ITPR3: variants seen among roughly 807,000 people sequenced by gnomAD.
ITPR3 encodes inositol 1,4,5-trisphosphate receptor type 3, also known as inositol 1,4,5-trisphosphate-gated calcium channel ITPR3.
Under a neutral mutation model 293.2 loss-of-function variants are expected in ITPR3, and 173 were observed. The ratio of observed to expected loss-of-function variants is 0.59; its 90% CI spans 0.52 to 0.67. ITPR3 has a LOEUF of 0.67. Among genes scored for constraint, ITPR3 ranks in the 30% least tolerant of loss-of-function variants. ITPR3 has a pLI of 0.00. For synonymous variants in ITPR3, 1,295 were observed against 1,444.4 expected, an observed-to-expected ratio of 0.90 and a Z score of 2.35; for missense variants, 2,796 against 3,592.1, an observed-to-expected ratio of 0.78 and a Z score of 5.66.
At position 33,673,695 on chromosome 6, in the gene ITPR3, C is replaced by T; in HGVS notation, c.3033C>T (p.Gly1011=). 1 of 1,614,154 alleles carries T rather than the reference C, an allele frequency of 6.2e-7. No individual in the cohort carries two copies. The highest frequency in any genetic ancestry group is 2.2e-5 in the East Asian group (1 of 44,894). The part of the protein sequence containing the change: ...VFPMQDSGAD[G]TAPAFDSTTA... The stretch of plus-strand genomic sequence containing the variant: ...CCATGCAGGACAGTGGGGCTGATGG[C>T]ACAGCCCCTGCCTTCGACTCTACCA... Residue 1011 remains glycine, a synonymous_variant, in exon 23 of 58, where the codon GGC becomes GGT. Transcript: ENST00000605930.
At chr6:33,651,542 C>T in intron 2 of ITPR3, among the ~76,000 whole-genome samples, 1 of 152,158 alleles carries the variant, frequency 6.6e-6, no homozygotes, top group East Asian at 1.9e-4. Context: ...GTTGACCCCT[C>T]ACCTTCTGTG....
chr6:33,691,215 C>A lies in ITPR3; in HGVS notation c.7225+106C>A. ...TGCAGCGCTTACCTCACCAGGCTCCCGTCTGCTTCTCCTCTTGGCTTCTGG... is the reference window on the plus strand; with the variant it reads ...TGCAGCGCTTACCTCACCAGGCTCCAGTCTGCTTCTCCTCTTGGCTTCTGG... On this transcript the variant is annotated intron_variant, in intron 52 of 57. Coordinates refer to ENST00000605930, the MANE Select transcript of ITPR3 (RefSeq NM_002224.4). The surrounding 1 kb of genome is among the most constrained non-coding windows in gnomAD (Gnocchi z 4.9). The A allele has an allele frequency of 1.8e-6, 2 of 1,091,200 alleles. No homozygotes were observed. Among genetic ancestry groups the A allele is most frequent in the South Asian group, 1.5e-5 (1 of 68,150 alleles). 67.6% of individuals were successfully genotyped at this position (1,091,200 alleles called of 1,614,324 possible).
rs1259677307 is a variant in ITPR3, at chr6:33,662,624, C to T, written c.808C>T (p.Arg270Cys). 4.3e-6 allele frequency: 7 copies of T among 1,611,442 alleles called. No individual in the cohort carries two copies. The highest frequency in any genetic ancestry group is 1.1e-5 in the South Asian group (1 of 91,080). The change falls in exon 8 of 58, where the codon CGC becomes TGC. Residue 270 changes from arginine to cysteine, a missense_variant. By Grantham distance (180) the Arg-to-Cys change is radical (BLOSUM62 -3). Transcript: ENST00000605930. ...GCAGGTGTTCCTGCGAACTACACTG[C>T]GCCAGTCTGCCACCTCGGCCACCAG... is the stretch of plus-strand genomic sequence containing the variant. ...KLQVFLRTTL[R>C]QSATSATSSN...
Position 33,683,376 on chromosome 6 carries a change from G to A in ITPR3, c.4767G>A (p.Lys1589=), listed in dbSNP as rs866508323. 5.1e-6 allele frequency: 8 copies of A among 1,582,534 alleles called. No homozygotes were observed. The African/African-American group carries it at 6.7e-5, about 13-fold the overall frequency. The part of the protein sequence containing the change: ...VTPTANQWDY[K]NIIEKLQDII... Reference sequence around the variant, plus strand: ...CCACCGCCAACCAGTGGGACTACAAGAACATCATTGAGAAGCTGCAGGTGG... The same window carrying A: ...CCACCGCCAACCAGTGGGACTACAAAAACATCATTGAGAAGCTGCAGGTGG... Residue 1589 remains lysine, a synonymous_variant, in exon 35 of 58, where the codon AAG becomes AAA. Coordinates refer to ENST00000605930, the MANE Select transcript of ITPR3 (RefSeq NM_002224.4). This position sits in a 1 kb window ranked among gnomAD's most constrained non-coding sequence, Gnocchi z 4.5.
intron 2 of ITPR3, among the ~76,000 whole-genome samples, chr6:33,643,479 T>C (rs1454949935): frequency 6.6e-6 from 1 of 152,266 alleles, no homozygotes; most frequent in Admixed American, 6.5e-5. Context: ...AAGCCCAGGC[T>C]GCTGATGCCC....
In ITPR3 at chr6:33,687,697, A is replaced by G. The variant is rs1765273292; in HGVS notation, c.6264+133A>G. ...AGGCTAGAATTTGGGGGTACAGCTC[A>G]GGGGGCTGATTGGGACTGGCAGCCG... On this transcript the variant is annotated intron_variant, in intron 46 of 57. Coordinates refer to ENST00000605930, the MANE Select transcript of ITPR3 (RefSeq NM_002224.4). The surrounding 1 kb of genome is among the most constrained non-coding windows in gnomAD (Gnocchi z 5.3). The G allele has an allele frequency of 1.4e-6, 1 of 740,484 alleles. No homozygotes were observed. Among genetic ancestry groups the G allele is most frequent in the Non-Finnish European group, 2.2e-6 (1 of 445,510 alleles). The allele number at this position is 740,484 out of a possible 1,614,324, so 45.9% of individuals were successfully genotyped here.
In ITPR3 at chr6:33,691,776, G is replaced by A; in HGVS notation, c.7331-25G>A. ...GGGGTAGGAGGAGCAGGCAGCCCGG[G>A]CCTCAGCACACTCTCCGCTTGCAGA... On this transcript the variant is annotated intron_variant, in intron 53 of 57. Transcript: ENST00000605930. This position sits in a 1 kb window ranked among gnomAD's most constrained non-coding sequence, Gnocchi z 4.9. 1 of 1,613,772 alleles carries A rather than the reference G, an allele frequency of 6.2e-7. No individual in the cohort carries two copies. The highest frequency in any genetic ancestry group is 1.3e-5 in the African/African-American group (1 of 74,954).
chr6:33,655,696 G>A lies in ITPR3; in HGVS notation c.161-70G>A. 5 of 1,599,124 alleles carry A rather than the reference G, an allele frequency of 3.1e-6. No homozygotes were observed. Among genetic ancestry groups the A allele is most frequent in the Non-Finnish European group, 4.3e-6 (5 of 1,169,828 alleles). The stretch of plus-strand genomic sequence containing the variant: ...TTGGGAGAGAAGAGCTGCAGGCTGG[G>A]GTTTTCTCCAGGGAGGGCCCTGAGC... On this transcript the variant is annotated intron_variant, in intron 2 of 57. Transcript: ENST00000605930. This position sits in a 1 kb window ranked among gnomAD's most constrained non-coding sequence, Gnocchi z 4.9.
Position 33,686,527 on chromosome 6 carries a change from C to T in ITPR3, c.5979+8C>T. The stretch of plus-strand genomic sequence containing the variant: ...CTGGTGCTGCAGCTCAAGGTGGGGC[C>T]CAGTGGCAGGTGTGTGAGTGCTGGG... On this transcript the variant is annotated splice_region_variant and intron_variant, in intron 43 of 57. Coordinates refer to ENST00000605930, the MANE Select transcript of ITPR3 (RefSeq NM_002224.4). The T allele has an allele frequency of 6.2e-7, 1 of 1,607,384 alleles. No homozygotes were observed. The highest frequency in any genetic ancestry group is 8.5e-7 in the Non-Finnish European group (1 of 1,173,936).
At chr6:33,637,612 G>A (rs1378888005) in intron 1 of ITPR3, among the ~76,000 whole-genome samples, 1 of 151,924 alleles carries the variant, frequency 6.6e-6, no homozygotes, top group Non-Finnish European at 1.5e-5. Context: ...GGGGTTAGAG[G>A]TGTGTGCCAC....
In ITPR3 at chr6:33,684,844, G is replaced by C. The variant is rs868579956; in HGVS notation, c.5208G>C (p.Leu1736Phe). The C allele has an allele frequency of 2.6e-5, 42 of 1,613,914 alleles. No individual in the cohort carries two copies. The highest frequency in any genetic ancestry group is 3.6e-5 in the Non-Finnish European group (42 of 1,179,990). ...TGGACAAGGAGGGGGCCACCAAGTT[G>C]GTATGCGACCTCATCACCAGCACCA... ...CRLDKEGATK[L>F]VCDLITSTKN... Residue 1736 changes from leucine (L) to phenylalanine (F), a missense_variant, in exon 39 of 58, where the codon TTG becomes TTC. By Grantham distance (22) the Leu-to-Phe change is conservative. Coordinates refer to ENST00000605930, the MANE Select transcript of ITPR3 (RefSeq NM_002224.4). This position sits in a 1 kb window ranked among gnomAD's most constrained non-coding sequence, Gnocchi z 4.2.
Position 33,691,677 on chromosome 6 carries a change from A to G in ITPR3, c.7288A>G (p.Met2430Val), listed in dbSNP as rs142286857. ...TGTGGACACCTGCAGTGGGGACAAG[A>G]TGGACTGTGTCTCAGGGCTCTCGGT... ...AFVDTCSGDK[M>V]DCVSGLSVPE... The change falls in exon 53 of 58, where the codon ATG (methionine) becomes GTG (valine). Residue 2430 changes from methionine to valine, a missense_variant. This residue lies in a region of ITPR3 where 568 missense variants were observed against 796.1 expected (regional missense o/e 0.71). Transcript: ENST00000605930. The surrounding 1 kb of genome is among the most constrained non-coding windows in gnomAD (Gnocchi z 4.9). 1.9e-6 allele frequency: 3 copies of G among 1,613,948 alleles called. No homozygotes were observed. The highest frequency in any genetic ancestry group is 2.5e-6 in the Non-Finnish European group (3 of 1,179,968).
In ITPR3 at chr6:33,655,025, C is replaced by G. The variant is rs569475616; in HGVS notation, c.161-741C>G. Among the ~76,000 whole-genome samples, 2 of 152,302 alleles carry G rather than the reference C, an allele frequency of 1.3e-5. No homozygotes were observed. Among genetic ancestry groups the G allele is most frequent in the East Asian group, 3.9e-4 (2 of 5,192 alleles). On this transcript the variant is annotated intron_variant, in intron 2 of 57. Coordinates refer to ENST00000605930, the MANE Select transcript of ITPR3 (RefSeq NM_002224.4). The surrounding 1 kb of genome is among the most constrained non-coding windows in gnomAD (Gnocchi z 4.9). ...AATGACACTTGTTTTATCTACTTGC[C>G]AAAATAAAAATTGTACTAGAGAACA...
chr6:33,668,430 G>A (rs1305953022), intron 16 of ITPR3, 85 bp from the exon 17 acceptor site: 3 of 1,573,900 alleles, frequency 1.9e-6, no homozygotes, highest in African/African-American at 2.7e-5. Flanking sequence ...GGTGCTGCCA[G>A]CTGGGGAAGG....
rs1295385806 is a variant in ITPR3 at position 33,672,294 on chromosome 6, G to A, written c.2928+66G>A. Reference sequence around the variant, plus strand: ...GGGAGGGTAATGGGGCGGGTACAGGGAGGCTGGGCAGGGCGAACCCCTTCA... The same window carrying A: ...GGGAGGGTAATGGGGCGGGTACAGGAAGGCTGGGCAGGGCGAACCCCTTCA... On this transcript the variant is annotated intron_variant, in intron 22 of 57. Coordinates refer to ENST00000605930, the MANE Select transcript of ITPR3 (RefSeq NM_002224.4). This position sits in a 1 kb window ranked among gnomAD's most constrained non-coding sequence, Gnocchi z 5.0. The A allele has an allele frequency of 2.6e-5, 37 of 1,441,596 alleles. No homozygotes were observed. Among genetic ancestry groups the A allele is most frequent in the African/African-American group, 4.2e-5 (3 of 71,474 alleles). 89.3% of individuals were successfully genotyped at this position (1,441,596 alleles called of 1,614,324 possible).
Position 33,683,704 on chromosome 6 carries a change from T to A in ITPR3, c.4788+307T>A, listed in dbSNP as rs937513667. Reference sequence around the variant, plus strand: ...CCCTCCTGTCTATGCAGCACATTTCTGTGCGCTGTCTCGTTGGCCTGTAGA... The same window carrying A: ...CCCTCCTGTCTATGCAGCACATTTCAGTGCGCTGTCTCGTTGGCCTGTAGA... On this transcript the variant is annotated intron_variant, in intron 35 of 57. Transcript: ENST00000605930. This position sits in a 1 kb window ranked among gnomAD's most constrained non-coding sequence, Gnocchi z 4.5. 6.6e-6 allele frequency among the ~76,000 whole-genome samples: 1 copy of A among 152,154 alleles called. No homozygotes were observed. Among genetic ancestry groups the A allele is most frequent in the African/African-American group, 2.4e-5 (1 of 41,426 alleles).
chr6:33,689,231 C>T lies in ITPR3; in HGVS notation c.6695-7C>T, dbSNP rs550181306. The T allele has an allele frequency of 3.5e-5, 56 of 1,607,382 alleles. No homozygotes were observed. The East Asian group carries it at 1.1e-3, about 32-fold the overall frequency. Reference sequence around the variant, plus strand: ...GGAGCCCTGCTCACCCTGCCCCTGGCCCCCAGGCGTGCTGGACTCCCCTCT... The same window carrying T: ...GGAGCCCTGCTCACCCTGCCCCTGGTCCCCAGGCGTGCTGGACTCCCCTCT... On this transcript the variant is annotated splice_polypyrimidine_tract_variant and splice_region_variant and intron_variant, in intron 49 of 57. Coordinates refer to ENST00000605930, the MANE Select transcript of ITPR3 (RefSeq NM_002224.4).
chr6:33,687,401 C>G lies in ITPR3; in HGVS notation c.6177+74C>G, dbSNP rs1003063093. On this transcript the variant is annotated intron_variant, in intron 45 of 57. Coordinates refer to ENST00000605930, the MANE Select transcript of ITPR3 (RefSeq NM_002224.4). The surrounding 1 kb of genome is among the most constrained non-coding windows in gnomAD (Gnocchi z 5.3). ...CCCCGCCCCAGCTGCCATCATCCCC[C>G]AGTCGCCATTGTCGCCCCCCAGCCA... 6 of 1,497,046 alleles carry G rather than the reference C, an allele frequency of 4.0e-6. No homozygotes were observed. In the African/African-American group the frequency reaches 4.1e-5, roughly 10 times the overall value. 92.7% of individuals were successfully genotyped at this position (1,497,046 alleles called of 1,614,324 possible). A position where few individuals can be genotyped will look rare whatever the true frequency, so the allele number is the denominator to read the frequency against.
rs763395679 is a variant in ITPR3, at chr6:33,669,033, A to G, written c.2066A>G (p.Glu689Gly). Residue 689 changes from glutamate to glycine, a missense_variant, in exon 18 of 58, where the codon GAA (glutamate) becomes GGA (glycine). Glu to Gly is a moderately conservative substitution (Grantham distance 98). Coordinates refer to ENST00000605930, the MANE Select transcript of ITPR3 (RefSeq NM_002224.4). ...SHEYLSIEYS[E>G]EEVWLTWTDK... ...GAGTACCTGAGCATCGAGTACTCAG[A>G]AGAGGAAGTGTGGCTCACGTGGACT... 6.2e-7 allele frequency: 1 copy of G among 1,614,142 alleles called. No homozygotes were observed. The highest frequency in any genetic ancestry group is 1.7e-5 in the Admixed American group (1 of 60,016).
Sources: gnomAD v4.1 joint callset for allele counts (sites outside exome capture counted in the v4.1 genomes callset) on GRCh38, gnomAD v4.1.1 for gene constraint, gnomAD v4.1.1 regional missense constraint, Gnocchi (gnomAD v3.1) non-coding constraint, MANE v1.5 for transcripts, NCBI Gene and HGNC (gene_info 2026-07-23, HGNC 2026-07-21) for gene names.